ETF1: variants seen among roughly 807,000 people sequenced by gnomAD.
ETF1 encodes eukaryotic translation termination factor 1, also known as eukaryotic peptide chain release factor subunit 1.
A neutral mutation model predicts 55.1 loss-of-function variants in ETF1; 4 were observed. That is an observed-to-expected ratio of 0.07 (90% CI 0.04 to 0.17). The LOEUF is 0.17. ETF1 is among the 10% of genes least tolerant of loss of function. The pLI is 1.00. For missense variants in ETF1, 142 were observed against 523.6 expected, an observed-to-expected ratio of 0.27 and a Z score of 7.11; for synonymous variants, 157 against 182.3, an observed-to-expected ratio of 0.86 and a Z score of 1.12.
At chr5:138,516,584 T>C (rs1268224053) in intron 4 of ETF1, among the ~76,000 whole-genome samples, 1 of 152,210 alleles carries the variant, frequency 6.6e-6, no homozygotes, top group African/African-American at 2.4e-5. Flanking sequence ...GAGGTTGCAG[T>C]GGGCCAAGAT....
intron 4 of ETF1, among the ~76,000 whole-genome samples, chr5:138,515,493 C>A (rs1764981338): frequency 6.6e-6 from 1 of 152,166 alleles, no homozygotes; most frequent in South Asian, 2.1e-4. Context: ...ATAGCCTTAT[C>A]AAAATGACCC....
At chr5:138,520,523 C>T (rs1468034965) in intron 2 of ETF1, among the ~76,000 whole-genome samples, 1 of 152,166 alleles carries the variant, frequency 6.6e-6, no homozygotes, top group Non-Finnish European at 1.5e-5. Flanking sequence ...CGGAAAATTC[C>T]TACTTCTATG....
At chr5:138,527,495 A>G (rs1765522490) in intron 2 of ETF1, among the ~76,000 whole-genome samples, 1 of 152,198 alleles carries the variant, frequency 6.6e-6, no homozygotes, top group Admixed American at 6.5e-5. Flanking sequence ...CTTTTTGATA[A>G]TTCCTTCTGG....
intron 2 of ETF1, among the ~76,000 whole-genome samples, chr5:138,527,664 G>A (rs78837243): frequency 3.3e-4 from 51 of 152,292 alleles, no homozygotes; most frequent in African/African-American, 1.2e-3. Context: ...GGGAGAATAC[G>A]AAGAGATAAA....
chr5:138,519,906 T>C (rs1332866253), intron 2 of ETF1, among the ~76,000 whole-genome samples: 4 of 151,154 alleles, frequency 2.6e-5, no homozygotes, highest in Non-Finnish European at 4.4e-5. Flanking sequence ...CTCATTGCGG[T>C]TTTGATTTGG....
At chr5:138,513,066 C>T in intron 5 of ETF1, 112 bp from the exon 6 acceptor site, 1 of 1,392,268 alleles carries the variant, frequency 7.2e-7, no homozygotes, top group Non-Finnish European at 9.2e-7. Context: ...AAAGAAAAAT[C>T]ACCATTCCCT....
intron 6 of ETF1, among the ~76,000 whole-genome samples, chr5:138,512,181 T>C (rs374382765): frequency 1.8e-4 from 17 of 92,842 alleles, no homozygotes; most frequent in African/African-American, 6.7e-4. Context: ...CTAGGCAAGA[T>C]AGCCAGACCC....
intron 6 of ETF1, 129 bp from the exon 7 acceptor site, chr5:138,511,733 A>C: frequency 7.2e-7 from 1 of 1,390,666 alleles, no homozygotes; most frequent in Admixed American, 3.3e-5. Context: ...TGAAGTCTAA[A>C]TATGGGGAAG....
At chr5:138,512,707 G>C (rs1561830439) in intron 6 of ETF1, 57 bp downstream of exon 6, 2 of 1,459,914 alleles carry the variant, frequency 1.4e-6, no homozygotes, top group East Asian at 2.6e-5. Flanking sequence ...CTCACACAGA[G>C]GACTCACCTA....
At chr5:138,540,375 T>C (rs543519446) in intron 2 of ETF1, among the ~76,000 whole-genome samples, 2 of 152,360 alleles carry the variant, frequency 1.3e-5, no homozygotes, top group African/African-American at 2.4e-5. Flanking sequence ...CAGATTCATT[T>C]TGCCATCCAC....
At chr5:138,519,336 C>T (rs566009977) in intron 2 of ETF1, 62 of 275,502 alleles carry the variant, frequency 2.3e-4, no homozygotes, top group Admixed American at 5.8e-4. Flanking sequence ...GAAAGGAGAA[C>T]TGTGGAAGTC....
chr5:138,517,100 G>A (rs951771422), intron 4 of ETF1, among the ~76,000 whole-genome samples: 1 of 152,168 alleles, frequency 6.6e-6, no homozygotes, highest in Admixed American at 6.5e-5. Context: ...GCTGGGCGGG[G>A]TTGCTCATGC....
At chr5:138,511,726 A>G in intron 6 of ETF1, 122 bp from the exon 7 acceptor site, 1 of 1,397,610 alleles carries the variant, frequency 7.2e-7, no homozygotes, top group Non-Finnish European at 9.3e-7. Flanking sequence ...TGATCACTGA[A>G]GTCTAAATAT....
At chr5:138,510,871 TAAACAGTTCAAGCAGAAAAATCTATG>T in intron 8 of ETF1, 148 bp downstream of exon 8, 1 of 899,824 alleles carries the variant, frequency 1.1e-6, no homozygotes, top group Non-Finnish European at 1.3e-6. Flanking sequence ...AAGCAGACGT[TAAACAGTTCAAGCAGAAAAATCTATG>T]CAGGAATGTG....
At chr5:138,510,541 C>T in intron 9 of ETF1, 24 bp downstream of exon 9, 8 of 1,583,126 alleles carry the variant, frequency 5.1e-6, no homozygotes, top group Non-Finnish European at 5.2e-6. Flanking sequence ...CACGTATCAT[C>T]AAACCAAGAA....
chr5:138,512,481 C>A (rs1289885412), intron 6 of ETF1, among the ~76,000 whole-genome samples: 1 of 151,626 alleles, frequency 6.6e-6, no homozygotes, highest in Non-Finnish European at 1.5e-5. Flanking sequence ...TCTTTGAAAT[C>A]AAACTCCATT....
chr5:138,510,461 AG>A, intron 9 of ETF1, 103 bp downstream of exon 9: 1 of 692,290 alleles, frequency 1.4e-6, no homozygotes, highest in Non-Finnish European at 2.5e-6. Flanking sequence ...ACCCCCAATT[AG>A]TATAAGGTTT....
At chr5:138,523,696 C>T (rs192774725) in intron 2 of ETF1, among the ~76,000 whole-genome samples, 2 of 152,170 alleles carry the variant, frequency 1.3e-5, no homozygotes, top group Admixed American at 6.5e-5. Flanking sequence ...GATGGAAATA[C>T]TGTTTTTCTT....
chr5:138,511,225 G>C, intron 7 of ETF1, 25 bp from the exon 8 acceptor site: 1 of 1,610,264 alleles, frequency 6.2e-7, no homozygotes, highest in Non-Finnish European at 8.5e-7. Context: ...CAGTCAACAG[G>C]ATATATATTA....
Sources: allele counts gnomAD v4.1 joint callset (sites outside exome capture counted in the v4.1 genomes callset), GRCh38; gene constraint gnomAD v4.1.1; transcripts MANE v1.5; gene names NCBI Gene and HGNC (gene_info 2026-07-23, HGNC 2026-07-21).